PLCL1: variants seen among roughly 807,000 people sequenced by gnomAD.
PLCL1 encodes the protein phospholipase C like 1 (inactive).
PLCL1 carries 41 observed loss-of-function variants against 84.4 expected under a neutral mutation model. The ratio of observed to expected loss-of-function variants is 0.49; its 90% CI spans 0.38 to 0.63. PLCL1 has a LOEUF of 0.63. PLCL1 is among the 30% of genes least tolerant of loss of function. PLCL1 has a pLI of 0.00. For missense variants in PLCL1, 1,206 were observed against 1,367.8 expected (o/e 0.88, Z 1.87); for synonymous variants, 490 against 488.3 (o/e 1.00, Z -0.05).
At chr2:198,064,703 A>G (rs1259354199) in intron 1 of PLCL1, among the ~76,000 whole-genome samples, 1 of 152,170 alleles carries the variant, frequency 6.6e-6, no homozygotes, top group Non-Finnish European at 1.5e-5. Context: ...GGAGAGTACT[A>G]TTTTAGTTTT....
intron 1 of PLCL1, among the ~76,000 whole-genome samples, chr2:197,961,744 G>C (rs192100055): frequency 6.6e-6 from 1 of 151,958 alleles, no homozygotes; most frequent in Non-Finnish European, 1.5e-5. Flanking sequence ...AGGTGGTTTT[G>C]GAAATGAAAC....
chr2:198,133,594 G>A (rs1694182035), intron 5 of PLCL1, among the ~76,000 whole-genome samples: 1 of 151,746 alleles, frequency 6.6e-6, no homozygotes, highest in Admixed American at 6.6e-5. Context: ...AAGAGTGATG[G>A]TATTTGACAT....
chr2:198,118,333 G>A (rs142663111), intron 5 of PLCL1, among the ~76,000 whole-genome samples: 10 of 152,010 alleles, frequency 6.6e-5, no homozygotes, highest in African/African-American at 2.4e-4. Flanking sequence ...ATCTCAGGAA[G>A]CATAATTTTG....
intron 1 of PLCL1, among the ~76,000 whole-genome samples, chr2:198,014,705 T>C (rs1384541763): frequency 6.6e-6 from 1 of 152,120 alleles, no homozygotes; most frequent in South Asian, 2.1e-4. Flanking sequence ...TCCTGAAGTG[T>C]TCATTTTAAA....
intron 1 of PLCL1, among the ~76,000 whole-genome samples, chr2:197,898,738 T>TCTTTTTTCTTTTTTTTTTTTTTTTTTTTG (rs1574938328): frequency 6.8e-6 from 1 of 146,302 alleles, no homozygotes; most frequent in Non-Finnish European, 1.5e-5. Flanking sequence ...CTAGTTTCTT[T>TCTTTTTTCTTTTTTTTTTTTTTTTTTTTG]AGTCCTTGAC....
chr2:197,839,846 T>A (rs145474290), intron 1 of PLCL1, among the ~76,000 whole-genome samples: 74 of 152,340 alleles, frequency 4.9e-4, no homozygotes, highest in Admixed American at 1.6e-3. Flanking sequence ...ATTACTTTTT[T>A]AAAAACTGCA....
intron 5 of PLCL1, among the ~76,000 whole-genome samples, chr2:198,130,971 C>T (rs536672801): frequency 5.9e-5 from 9 of 152,290 alleles, no homozygotes; most frequent in African/African-American, 1.9e-4. Flanking sequence ...TCCCACAGCT[C>T]CTTCTTAACT....
intron 1 of PLCL1, among the ~76,000 whole-genome samples, chr2:198,024,762 C>CAA (rs74507483): frequency 0.025 from 3,522 of 139,258 alleles, 148 homozygotes; most frequent in African/African-American, 0.085. Flanking sequence ...AAATCTATCT[C>CAA]AAAAAAAAAA....
intron 1 of PLCL1, among the ~76,000 whole-genome samples, chr2:198,059,946 G>A (rs144164164): frequency 1.8e-4 from 28 of 152,254 alleles, no homozygotes; most frequent in Middle Eastern, 3.4e-3. Flanking sequence ...GTGTCAGGTT[G>A]GCAGGGCAGC....
At chr2:197,959,876 T>C (rs79142844) in intron 1 of PLCL1, among the ~76,000 whole-genome samples, 1 of 152,162 alleles carries the variant, frequency 6.6e-6, no homozygotes, top group African/African-American at 2.4e-5. Flanking sequence ...ATTCGCCTGG[T>C]TCATTGCACT....
chr2:197,930,572 T>C (rs1485495808), intron 1 of PLCL1, among the ~76,000 whole-genome samples: 1 of 152,090 alleles, frequency 6.6e-6, no homozygotes, highest in Non-Finnish European at 1.5e-5. Context: ...CTATACCTTA[T>C]TCTTTGATGC....
Position 197,805,475 on chromosome 2 carries a change from C to A in PLCL1, c.240+136C>A. The stretch of plus-strand genomic sequence containing the variant: ...CCACCTCCTTCAACGCCAAACCTTC[C>A]TTCCTTATCCGGAGGTTCCCAGACT... On this transcript the variant is annotated intron_variant, in intron 1 of 5. Coordinates refer to ENST00000428675, the MANE Select transcript of PLCL1 (RefSeq NM_006226.4). The surrounding 1 kb of genome is among the most constrained non-coding windows in gnomAD (Gnocchi z 4.0). The A allele has an allele frequency of 1.2e-6, 1 of 839,804 alleles. No homozygotes were observed. The highest frequency in any genetic ancestry group is 1.6e-6 in the Non-Finnish European group (1 of 628,384). 52.0% of individuals were successfully genotyped at this position (839,804 alleles called of 1,614,324 possible).
intron 1 of PLCL1, among the ~76,000 whole-genome samples, chr2:197,952,663 T>G (rs1689410652): frequency 6.6e-6 from 1 of 152,100 alleles, no homozygotes; most frequent in Admixed American, 6.6e-5. Flanking sequence ...GCAAATCTCT[T>G]CTTGAGTTGT....
intron 1 of PLCL1, among the ~76,000 whole-genome samples, chr2:198,060,310 A>G (rs1692162144): frequency 6.6e-6 from 1 of 152,234 alleles, no homozygotes; most frequent in African/African-American, 2.4e-5. Context: ...CAGAAAATTT[A>G]TGATCTAATT....
chr2:198,041,810 TA>T (rs1409598379), intron 1 of PLCL1, among the ~76,000 whole-genome samples: 1 of 152,168 alleles, frequency 6.6e-6, no homozygotes, highest in Admixed American at 6.5e-5. Context: ...GAGAATATTC[TA>T]GGTGAAGAGA....
chr2:197,847,404 T>C (rs1354081884), intron 1 of PLCL1, among the ~76,000 whole-genome samples: 1 of 152,186 alleles, frequency 6.6e-6, no homozygotes, highest in East Asian at 1.9e-4. Context: ...TAGTGGGTCT[T>C]TCATACAATA....
chr2:197,835,204 G>T (rs137956013), intron 1 of PLCL1, among the ~76,000 whole-genome samples: 4 of 152,138 alleles, frequency 2.6e-5, no homozygotes, highest in Non-Finnish European at 5.9e-5. Flanking sequence ...TAGATGACGG[G>T]TTGATGGGTG....
intron 1 of PLCL1, among the ~76,000 whole-genome samples, chr2:197,929,957 C>A (rs16825786): frequency 0.21 from 31,597 of 151,974 alleles, 3,369 homozygotes; most frequent in East Asian, 0.27. Context: ...CATTTTTTCT[C>A]CTGTGATACA....
intron 1 of PLCL1, among the ~76,000 whole-genome samples, chr2:197,869,838 C>T (rs745731719): frequency 5.3e-5 from 8 of 152,094 alleles, no homozygotes; most frequent in Non-Finnish European, 8.8e-5. Flanking sequence ...TATGCTGCAA[C>T]GGTAAATTTC....
Sources: allele counts gnomAD v4.1 joint callset (sites outside exome capture counted in the v4.1 genomes callset), GRCh38; gene constraint gnomAD v4.1.1; non-coding constraint Gnocchi (gnomAD v3.1); transcripts MANE v1.5; gene names NCBI Gene and HGNC (gene_info 2026-07-23, HGNC 2026-07-21).